Variants in ITPA observed in about 807,000 individuals in gnomAD.
ITPA encodes the protein inosine triphosphatase, also known as inosine triphosphate pyrophosphatase.
A neutral mutation model predicts 29.6 loss-of-function variants in ITPA; 29 were observed. That is an observed-to-expected ratio of 0.98 (90% confidence interval 0.73 to 1.34). ITPA has a LOEUF of 1.34. Among genes scored for constraint, ITPA ranks in the 40% most tolerant of loss-of-function variants. The pLI, the probability that ITPA is intolerant of heterozygous loss-of-function variation, is 0.00. For missense variants in ITPA, 241 were observed against 251.5 expected (o/e 0.96, Z 0.28); for synonymous variants, 103 against 99.3 (o/e 1.04, Z -0.22).
chr20:3,206,712 T>C (rs2067072865), upstream of ITPA, among the ~76,000 whole-genome samples: 4 of 151,558 alleles, frequency 2.6e-5, no homozygotes, highest in Admixed American at 1.3e-4. Flanking sequence ...GCGCCTGTAG[T>C]CCCAGCTACT....
chr20:3,223,684 T>C lies in ITPA; in HGVS notation c.*222T>C, dbSNP rs2067526182. Reference sequence around the variant, plus strand: ...CTTGCCCTTAGGATTCACTGCTCTCTCCTACAGCCGCCAGGCCTGGGGTCC... The same window carrying C: ...CTTGCCCTTAGGATTCACTGCTCTCCCCTACAGCCGCCAGGCCTGGGGTCC... On this transcript the variant is annotated 3_prime_UTR_variant, in exon 8 of 8. Transcript: ENST00000380113. 1.7e-6 allele frequency: 1 copy of C among 587,616 alleles called. No individual in the cohort carries two copies. The highest frequency in any genetic ancestry group is 3.1e-6 in the Non-Finnish European group (1 of 327,800). The allele number at this position is 587,616 out of a possible 1,614,324, so 36.4% of individuals were successfully genotyped here.
At chr20:3,213,098 G>C in intron 1 of ITPA, 71 bp from the exon 2 acceptor site, 1 of 1,438,344 alleles carries the variant, frequency 7.0e-7, no homozygotes, top group Non-Finnish European at 9.8e-7. Flanking sequence ...TGAGAAAGGC[G>C]GATGACAGCT....
chr20:3,222,221 C>CT (rs1185986418), intron 7 of ITPA, among the ~76,000 whole-genome samples: 3,598 of 137,942 alleles, frequency 0.026, 149 homozygotes, highest in African/African-American at 0.088. Flanking sequence ...GTACATCTGA[C>CT]TTTTTTTTTT....
downstream of ITPA, among the ~76,000 whole-genome samples, chr20:3,224,352 A>G (rs141518870): frequency 9.2e-5 from 14 of 152,210 alleles, no homozygotes; most frequent in Middle Eastern, 6.8e-3. Flanking sequence ...CATTCCCTGG[A>G]AGGGACCTCT....
chr20:3,204,646 G>C, upstream of ITPA: 2 of 1,564,662 alleles, frequency 1.3e-6, no homozygotes, highest in Non-Finnish European at 1.7e-6. Context: ...CCTCAGTGCA[G>C]AACCACTGCG....
At chr20:3,215,353 G>A in intron 5 of ITPA, 41 bp downstream of exon 5, 1 of 1,596,062 alleles carries the variant, frequency 6.3e-7, no homozygotes, top group Non-Finnish European at 8.6e-7. Context: ...TGTTGGGAAT[G>A]AGAATCTGGG....
chr20:3,222,010 A>T (rs1209300724), intron 7 of ITPA, 93 bp downstream of exon 7: 10 of 1,236,236 alleles, frequency 8.1e-6, no homozygotes, highest in Non-Finnish European at 1.1e-5. Flanking sequence ...AGGCATGCGG[A>T]TATGGGCAGG....
chr20:3,212,571 T>C (rs185561619), intron 1 of ITPA, among the ~76,000 whole-genome samples: 1 of 152,206 alleles, frequency 6.6e-6, no homozygotes, highest in Non-Finnish European at 1.5e-5. Flanking sequence ...TCTGCCCACC[T>C]TGGCCTCCAA....
chr20:3,225,530 G>A (rs917936875), downstream of ITPA, among the ~76,000 whole-genome samples: 3 of 152,138 alleles, frequency 2.0e-5, no homozygotes, highest in Non-Finnish European at 4.4e-5. Flanking sequence ...CGACCATGTG[G>A]GGGTTCCTGG....
upstream of ITPA, among the ~76,000 whole-genome samples, chr20:3,204,274 TTGGAGGTATGGAG>T (rs2067055400): frequency 6.6e-5 from 10 of 152,012 alleles, no homozygotes; most frequent in South Asian, 2.1e-3. Flanking sequence ...CCTCAGGCCT[TTGGAGGTATGGAG>T]TTCCCGGGGG....
At chr20:3,215,849 C>T (rs564762766) in intron 5 of ITPA, among the ~76,000 whole-genome samples, 204 of 151,450 alleles carry the variant, frequency 1.3e-3, no homozygotes, top group Non-Finnish European at 1.7e-3. Context: ...CCACGCCCTG[C>T]TAATTTTTGT....
At chr20:3,210,684 C>G (rs1006984846) in intron 1 of ITPA, among the ~76,000 whole-genome samples, 7 of 152,142 alleles carry the variant, frequency 4.6e-5, no homozygotes, top group Non-Finnish European at 8.8e-5. Context: ...GCAGTCCACC[C>G]TGAACAGAGC....
intron 6 of ITPA, among the ~76,000 whole-genome samples, chr20:3,219,617 C>T (rs1302070420): frequency 6.6e-6 from 1 of 151,774 alleles, no homozygotes; most frequent in Non-Finnish European, 1.5e-5. Context: ...TGGTGGCAGG[C>T]ACCTGTAATC....
chr20:3,211,995 G>A (rs1471527005), intron 1 of ITPA, among the ~76,000 whole-genome samples: 1 of 152,116 alleles, frequency 6.6e-6, no homozygotes, highest in African/African-American at 2.4e-5. Flanking sequence ...AGACCAGCCT[G>A]GGCAACAAAG....
chr20:3,213,720 C>T (rs554544045), intron 3 of ITPA, among the ~76,000 whole-genome samples: 35 of 152,264 alleles, frequency 2.3e-4, no homozygotes, highest in African/African-American at 8.4e-4. Flanking sequence ...AAGCACGCTG[C>T]GGAGAGTCAG....
chr20:3,212,983 A>G (rs1044400231), intron 1 of ITPA, among the ~76,000 whole-genome samples, 186 bp from the exon 2 acceptor site: 2 of 151,934 alleles, frequency 1.3e-5, no homozygotes, highest in Non-Finnish European at 2.9e-5. Context: ...TAGAGAAGCA[A>G]GGAGATGGAA....
upstream of ITPA, among the ~76,000 whole-genome samples, chr20:3,208,469 G>T (rs758997464): frequency 2.0e-5 from 3 of 152,092 alleles, no homozygotes; most frequent in Non-Finnish European, 4.4e-5. Context: ...CCCACCTCCC[G>T]AATTCAGGCG....
In ITPA at chr20:3,212,804, A is replaced by G. The variant is rs137991956; in HGVS notation, c.67-365A>G. Among the ~76,000 whole-genome samples, 820 of 152,304 alleles carry G rather than the reference A, an allele frequency of 5.4e-3. 14 individuals carry two copies. The highest frequency in any genetic ancestry group is 0.019 in the African/African-American group (801 of 41,560). On this transcript the variant is annotated intron_variant, in intron 1 of 7. Coordinates refer to ENST00000380113, the MANE Select transcript of ITPA (RefSeq NM_033453.4). ...ACATTTCAATTAAGGGTTACTAAGA[A>G]TAAAGTTTTTTTTCCCAATCCATGT...
chr20:3,220,214 C>G (rs1010302142), intron 6 of ITPA, among the ~76,000 whole-genome samples: 2 of 152,048 alleles, frequency 1.3e-5, no homozygotes, highest in Non-Finnish European at 2.9e-5. Flanking sequence ...TGCACCACCA[C>G]ACCCGGCTAA....
Sources: gnomAD v4.1 joint callset for allele counts (sites outside exome capture counted in the v4.1 genomes callset) on GRCh38, gnomAD v4.1.1 for gene constraint, MANE v1.5 for transcripts, NCBI Gene and HGNC (gene_info 2026-07-23, HGNC 2026-07-21) for gene names.